The following PPP3CA variants were observed in gnomAD, a reference collection of about 807,000 sequenced individuals.
PPP3CA encodes protein phosphatase 3 catalytic subunit alpha, also known as CAM-PRP catalytic subunit.
A neutral mutation model predicts 66.5 loss-of-function variants in PPP3CA; 14 were observed. That is an observed-to-expected ratio of 0.21 (90% CI 0.14 to 0.33). PPP3CA has a LOEUF of 0.33. Among genes scored for constraint, PPP3CA ranks in the 10% least tolerant of loss-of-function variants. PPP3CA has a pLI of 1.00. For missense variants in PPP3CA, 317 were observed against 639.5 expected (o/e 0.50, Z 5.44); for synonymous variants, 232 against 226.2 (o/e 1.03, Z -0.23).
intron 11 of PPP3CA, among the ~76,000 whole-genome samples, chr4:101,033,744 A>G (rs1429716182): frequency 6.6e-6 from 1 of 152,148 alleles, no homozygotes; most frequent in Non-Finnish European, 1.5e-5. Flanking sequence ...GAACATTCTC[A>G]TTACCCCCAA....
At chr4:101,338,583 C>G (rs1051120820) in intron 1 of PPP3CA, among the ~76,000 whole-genome samples, 1 of 152,124 alleles carries the variant, frequency 6.6e-6, no homozygotes, top group Non-Finnish European at 1.5e-5. Flanking sequence ...GAGAGGCAGA[C>G]AAGGAAACAA....
At chr4:101,322,204 C>T (rs6834721) in intron 1 of PPP3CA, among the ~76,000 whole-genome samples, 15,694 of 152,020 alleles carry the variant, frequency 0.1, 2,753 homozygotes, top group African/African-American at 0.36. Context: ...AAATCACTAC[C>T]GCTCTGGTCT....
chr4:101,086,538 A>C (rs2110243570), intron 6 of PPP3CA, among the ~76,000 whole-genome samples: 1 of 152,200 alleles, frequency 6.6e-6, no homozygotes, highest in Non-Finnish European at 1.5e-5. Context: ...GGGCATTATT[A>C]AAATGTTTTT....
At chr4:101,254,949 T>C (rs1253729277) in intron 1 of PPP3CA, among the ~76,000 whole-genome samples, 1 of 150,310 alleles carries the variant, frequency 6.7e-6, no homozygotes. Context: ...CTCGTATGTA[T>C]GTAATTAACA....
chr4:101,195,221 T>C (rs139736317), intron 2 of PPP3CA, among the ~76,000 whole-genome samples: 287 of 149,204 alleles, frequency 1.9e-3, no homozygotes, highest in East Asian at 0.014. Flanking sequence ...TGAGCCGAGA[T>C]TGCACCATTG....
chr4:101,294,094 A>G (rs1254031739), intron 1 of PPP3CA, among the ~76,000 whole-genome samples: 1 of 152,250 alleles, frequency 6.6e-6, no homozygotes, highest in Non-Finnish European at 1.5e-5. Context: ...GAATGTCAAC[A>G]TCATCAAGCC....
At chr4:101,251,051 T>C (rs1048880298) in intron 1 of PPP3CA, among the ~76,000 whole-genome samples, 1 of 152,056 alleles carries the variant, frequency 6.6e-6, no homozygotes, top group African/African-American at 2.4e-5. Flanking sequence ...ATACTTCCAC[T>C]TGACACAAAG....
intron 11 of PPP3CA, among the ~76,000 whole-genome samples, chr4:101,033,283 C>T (rs1166431902): frequency 3.3e-5 from 3 of 89,562 alleles, no homozygotes; most frequent in Non-Finnish European, 6.6e-5. Flanking sequence ...GAGACACACA[C>T]ACACACACAA....
chr4:101,256,159 A>G (rs1393259975), intron 1 of PPP3CA, among the ~76,000 whole-genome samples: 1 of 151,958 alleles, frequency 6.6e-6, no homozygotes, highest in Non-Finnish European at 1.5e-5. Flanking sequence ...AGGTACATAT[A>G]TGAATTCTTA....
intron 2 of PPP3CA, among the ~76,000 whole-genome samples, chr4:101,148,599 G>A (rs183373561): frequency 4.1e-4 from 63 of 152,096 alleles, no homozygotes; most frequent in African/African-American, 1.4e-3. Context: ...CTGAATTCCC[G>A]ATCGAATTAG....
At chr4:101,150,317 A>C (rs1157725915) in intron 2 of PPP3CA, among the ~76,000 whole-genome samples, 2 of 152,160 alleles carry the variant, frequency 1.3e-5, no homozygotes, top group African/African-American at 4.8e-5. Context: ...ACAGTTCTTA[A>C]GCTTTCTTTG....
chr4:101,269,646 T>A (rs185439964), intron 1 of PPP3CA, among the ~76,000 whole-genome samples: 1 of 151,276 alleles, frequency 6.6e-6, no homozygotes, highest in East Asian at 1.9e-4. Context: ...ATCTTGGTAT[T>A]AATAGGCATT....
chr4:101,167,978 C>G (rs1723746252), intron 2 of PPP3CA, among the ~76,000 whole-genome samples: 4 of 152,254 alleles, frequency 2.6e-5, no homozygotes, highest in Admixed American at 2.6e-4. Context: ...GGAAAGGAAG[C>G]TCCTAGAGGG....
intron 1 of PPP3CA, among the ~76,000 whole-genome samples, chr4:101,224,342 G>T: frequency 6.6e-6 from 1 of 151,546 alleles, no homozygotes; most frequent in African/African-American, 2.4e-5. Flanking sequence ...CTTTCATTCT[G>T]TTGTACCCCT....
At chr4:101,222,451 A>T (rs1442771675) in intron 1 of PPP3CA, among the ~76,000 whole-genome samples, 1 of 151,578 alleles carries the variant, frequency 6.6e-6, no homozygotes, top group Non-Finnish European at 1.5e-5. Flanking sequence ...GTTTTTTTCC[A>T]GTCCATAAAT....
intron 1 of PPP3CA, among the ~76,000 whole-genome samples, chr4:101,335,049 G>A (rs1331016226): frequency 6.6e-6 from 1 of 151,942 alleles, no homozygotes; most frequent in African/African-American, 2.4e-5. Context: ...AGCATTTTAG[G>A]GTTGAACGTA....
intron 1 of PPP3CA, among the ~76,000 whole-genome samples, chr4:101,345,221 GTTCT>G (rs1222474374): frequency 6.6e-6 from 1 of 152,092 alleles, no homozygotes; most frequent in Non-Finnish European, 1.5e-5. Flanking sequence ...AAGATATTTT[GTTCT>G]TTCTGAAAAA....
At chr4:101,048,644 CTA>C (rs1412401557) in intron 10 of PPP3CA, among the ~76,000 whole-genome samples, 2 of 148,940 alleles carry the variant, frequency 1.3e-5, no homozygotes, top group African/African-American at 4.9e-5. Flanking sequence ...AGATTACAAA[CTA>C]AAATATTTAG....
chr4:101,329,450 T>G (rs890849767), intron 1 of PPP3CA, among the ~76,000 whole-genome samples: 5 of 152,122 alleles, frequency 3.3e-5, no homozygotes, highest in African/African-American at 1.2e-4. Flanking sequence ...AGCAGCAAAT[T>G]TTAATGTAGA....
Sources: allele counts gnomAD v4.1 joint callset (sites outside exome capture counted in the v4.1 genomes callset), GRCh38; gene constraint gnomAD v4.1.1; transcripts MANE v1.5; gene names NCBI Gene and HGNC (gene_info 2026-07-23, HGNC 2026-07-21).